Variants in CNNM2 observed in about 807,000 individuals in gnomAD.
CNNM2 encodes the protein cyclin and CBS domain divalent metal cation transport mediator 2.
A neutral mutation model predicts 66.9 loss-of-function variants in CNNM2; 12 were observed. The ratio of observed to expected loss-of-function variants is 0.18; its 90% CI spans 0.11 to 0.29. The LOEUF is 0.29. CNNM2 is among the 10% of genes least tolerant of loss of function. CNNM2 has a pLI of 1.00. For synonymous variants in CNNM2, 557 were observed against 501.8 expected, an observed-to-expected ratio of 1.11 and a Z score of -1.47; for missense variants, 705 against 1,167.7, an observed-to-expected ratio of 0.60 and a Z score of 5.77.
At chr10:103,015,929 G>C (rs150594240) in intron 1 of CNNM2, among the ~76,000 whole-genome samples, 1 of 152,184 alleles carries the variant, frequency 6.6e-6, no homozygotes, top group African/African-American at 2.4e-5. Flanking sequence ...AAAGCTCAAA[G>C]TTAAGCTCAC....
At chr10:103,010,489 CAA>C (rs779687064) in intron 1 of CNNM2, among the ~76,000 whole-genome samples, 3 of 151,992 alleles carry the variant, frequency 2.0e-5, no homozygotes, top group Non-Finnish European at 4.4e-5. Flanking sequence ...CTTGGCTTCT[CAA>C]AGTGCTGGGA....
chr10:102,975,486 AAAC>A (rs1160233080), intron 1 of CNNM2, among the ~76,000 whole-genome samples: 3 of 151,342 alleles, frequency 2.0e-5, no homozygotes, highest in East Asian at 1.9e-4. Flanking sequence ...AAAAAAAAAA[AAAC>A]AAACCTCCAC....
At chr10:103,017,690 G>T (rs894360757) in intron 1 of CNNM2, among the ~76,000 whole-genome samples, 3 of 152,112 alleles carry the variant, frequency 2.0e-5, no homozygotes, top group Non-Finnish European at 2.9e-5. Flanking sequence ...GCCAGGCTGG[G>T]CACAGTGACT....
At position 103,004,520 on chromosome 10, in the gene CNNM2, G is replaced by A. The variant is rs552223958; in HGVS notation, c.1622-45187G>A. Among the ~76,000 whole-genome samples the A allele has an allele frequency of 3.4e-4, 52 of 152,260 alleles. 1 individual carries two copies. The South Asian group carries it at 0.01, about 30-fold the overall frequency. On this transcript the variant is annotated intron_variant, in intron 1 of 7. Transcript: ENST00000369878. ...TGTATTGTGCACATCAGTTTCCTGGGAATCTTGTTAAAAGGTAGATTCTGC... is the reference window on the plus strand; with the variant it reads ...TGTATTGTGCACATCAGTTTCCTGGAAATCTTGTTAAAAGGTAGATTCTGC...
At chr10:103,010,811 C>T (rs1793467177) in intron 1 of CNNM2, among the ~76,000 whole-genome samples, 1 of 152,078 alleles carries the variant, frequency 6.6e-6, no homozygotes, top group Non-Finnish European at 1.5e-5. Flanking sequence ...CAGGGTTTCA[C>T]CATGTTGGCC....
At position 103,077,233 on chromosome 10, in the gene CNNM2, G is replaced by C. The variant is rs886046672; in HGVS notation, c.*53G>C. The C allele has an allele frequency of 1.6e-5, 25 of 1,523,064 alleles. No individual in the cohort carries two copies. The highest frequency in any genetic ancestry group is 2.2e-5 in the Non-Finnish European group (24 of 1,109,870). 94.3% of individuals were successfully genotyped at this position (1,523,064 alleles called of 1,614,324 possible). A position where few individuals can be genotyped will look rare whatever the true frequency, so the allele number is the denominator to read the frequency against. On this transcript the variant is annotated 3_prime_UTR_variant, in exon 8 of 8. Transcript: ENST00000369878. Reference sequence around the variant, plus strand: ...CGCACCCGCCCAGTCCCGAGGGCCCGGCCCTGTCTGCCCATGACTTCACTG... The same window carrying C: ...CGCACCCGCCCAGTCCCGAGGGCCCCGCCCTGTCTGCCCATGACTTCACTG...
At chr10:102,992,760 C>T (rs957224251) in intron 1 of CNNM2, among the ~76,000 whole-genome samples, 26 of 152,194 alleles carry the variant, frequency 1.7e-4, no homozygotes, top group African/African-American at 6.3e-4. Context: ...GCTTTGGAGT[C>T]AGCCCTGTAT....
chr10:103,022,485 G>C (rs1336762148), intron 1 of CNNM2, among the ~76,000 whole-genome samples: 1 of 152,160 alleles, frequency 6.6e-6, no homozygotes, highest in African/African-American at 2.4e-5. Context: ...TTAAAAAACT[G>C]ATTGTGCTTA....
chr10:103,061,640 A>G (rs976978949), intron 4 of CNNM2, among the ~76,000 whole-genome samples: 2 of 152,228 alleles, frequency 1.3e-5, no homozygotes, highest in African/African-American at 4.8e-5. Context: ...ATGATAGTCA[A>G]TTGCATTCTT....
intron 1 of CNNM2, among the ~76,000 whole-genome samples, chr10:103,020,723 A>G (rs948682496): frequency 6.6e-6 from 1 of 152,132 alleles, no homozygotes; most frequent in African/African-American, 2.4e-5. Context: ...GAGAGGGGAA[A>G]GGGAGTTGAG....
rs765248386 is a variant in CNNM2, at chr10:102,919,332, G to A, written c.852G>A (p.Pro284=). 6.2e-7 allele frequency: 1 copy of A among 1,613,496 alleles called. No homozygotes were observed. Reference sequence around the variant, plus strand: ...ACCTGGGGCTCATGGCCCTGGACCCGATGGAGCTGCGCATCGTGCAGAACT... The same window carrying A: ...ACCTGGGGCTCATGGCCCTGGACCCAATGGAGCTGCGCATCGTGCAGAACT... ...GLNLGLMALD[P]MELRIVQNCG... is the part of the protein sequence containing the mutation. Residue 284 remains proline (P), a synonymous_variant, in exon 1 of 8, where the codon CCG becomes CCA. Transcript: ENST00000369878.
At chr10:103,035,431 C>CA (rs980154099) in intron 1 of CNNM2, among the ~76,000 whole-genome samples, 3 of 151,914 alleles carry the variant, frequency 2.0e-5, no homozygotes, top group African/African-American at 7.3e-5. Flanking sequence ...TACAGACCAC[C>CA]AAAAAAGATG....
At chr10:103,066,832 C>T (rs934656552) in intron 4 of CNNM2, among the ~76,000 whole-genome samples, 25 of 152,274 alleles carry the variant, frequency 1.6e-4, no homozygotes, top group South Asian at 8.3e-4. Context: ...CTGTCATCTC[C>T]GACTCCACAG....
intron 1 of CNNM2, among the ~76,000 whole-genome samples, chr10:102,965,769 A>T (rs2063453850): frequency 6.6e-6 from 1 of 152,206 alleles, no homozygotes. Context: ...ATCTCTGAAA[A>T]TAAAAGCAGA....
intron 3 of CNNM2, among the ~76,000 whole-genome samples, chr10:103,055,256 G>A (rs116625729): frequency 2.0e-5 from 3 of 152,170 alleles, no homozygotes; most frequent in Non-Finnish European, 2.9e-5. Flanking sequence ...AGAAGACATC[G>A]GTGTCCCTGA....
At chr10:103,039,682 C>G in intron 1 of CNNM2, among the ~76,000 whole-genome samples, 1 of 152,038 alleles carries the variant, frequency 6.6e-6, no homozygotes, top group East Asian at 1.9e-4. Flanking sequence ...AGGTACGGTG[C>G]GGCTGTGGCA....
At chr10:102,939,521 C>G (rs1284983053) in intron 1 of CNNM2, among the ~76,000 whole-genome samples, 4 of 152,168 alleles carry the variant, frequency 2.6e-5, no homozygotes, top group African/African-American at 4.8e-5. Context: ...TGCTGTTTCT[C>G]TGACTGCTTC....
intron 1 of CNNM2, among the ~76,000 whole-genome samples, chr10:103,020,657 G>C (rs1165850979): frequency 6.6e-6 from 1 of 152,120 alleles, no homozygotes; most frequent in East Asian, 1.9e-4. Context: ...CTGTTTCTTA[G>C]GTAGTGAGTT....
At chr10:102,928,453 G>A (rs1052605187) in intron 1 of CNNM2, among the ~76,000 whole-genome samples, 1 of 151,916 alleles carries the variant, frequency 6.6e-6, no homozygotes, top group South Asian at 2.1e-4. Context: ...GTGGTGGTGG[G>A]CGCCTGTAAT....
Sources: allele counts gnomAD v4.1 joint callset (sites outside exome capture counted in the v4.1 genomes callset), GRCh38; gene constraint gnomAD v4.1.1; transcripts MANE v1.5; gene names NCBI Gene and HGNC (gene_info 2026-07-23, HGNC 2026-07-21).